Variants in RYR1 observed in about 807,000 individuals in gnomAD.
RYR1 encodes central core disease of muscle.
Under a neutral mutation model 583.5 loss-of-function variants are expected in RYR1, and 342 were observed. The observed-to-expected ratio is 0.59, with a 90% CI of 0.54 to 0.64. The LOEUF (loss-of-function observed/expected upper bound fraction) is 0.64, where lower values mean the gene tolerates loss of function less well. Among genes scored for constraint, RYR1 ranks in the 30% least tolerant of loss-of-function variants. The pLI, the probability that RYR1 is intolerant of heterozygous loss-of-function variation, is 0.00. For missense variants in RYR1, 6,032 were observed against 6,917.2 expected (o/e 0.87, Z 4.54); for synonymous variants, 2,791 against 2,822.5 (o/e 0.99, Z 0.35).
At chr19:38,502,141 A>G (rs1482023331) in intron 47 of RYR1, among the ~76,000 whole-genome samples, 2 of 152,192 alleles carry the variant, frequency 1.3e-5, no homozygotes, top group Non-Finnish European at 2.9e-5. Flanking sequence ...TGGGCGACAG[A>G]GACCCCTGTC....
chr19:38,502,403 G>GA, intron 47 of RYR1, 104 bp from the exon 48 acceptor site: 1 of 1,068,112 alleles, frequency 9.4e-7, no homozygotes, highest in South Asian at 1.3e-5. Context: ...GGTTTTGGGG[G>GA]AGTCATCAGA....
Position 38,507,782 on chromosome 19 carries a change from C to A in RYR1, c.8887C>A (p.Leu2963Met). Residue 2963 changes from leucine (L) to methionine (M), a missense_variant, in exon 58 of 106, where the codon CTG becomes ATG. Transcript: ENST00000359596. ...GTTTGCCTTTGGCTTCCTGCAGCAG[C>A]TGCTGCGCTGGATGGACATTTCTCA... ...KRFAFGFLQQLLRWMDISQEF... is the reference protein window; with the variant it reads ...KRFAFGFLQQMLRWMDISQEF... 6.2e-7 allele frequency: 1 copy of A among 1,613,906 alleles called. No individual in the cohort carries two copies.
At chr19:38,470,408 C>G (rs1468598330) in intron 27 of RYR1, among the ~76,000 whole-genome samples, 1 of 150,184 alleles carries the variant, frequency 6.7e-6, no homozygotes, top group Non-Finnish European at 1.5e-5. Context: ...TGCACTCCAG[C>G]CTGAGTGACA....
At chr19:38,535,280 C>A in intron 80 of RYR1, 36 bp from the exon 81 acceptor site, 1 of 1,612,746 alleles carries the variant, frequency 6.2e-7, no homozygotes, top group Non-Finnish European at 8.5e-7. Context: ...TCCTGTGTGA[C>A]TCCCAGTTTC....
rs1970533951 is a variant in RYR1, at chr19:38,507,654, G to A, written c.8817-58G>A. ...CAGGAGCAGAGGCGGACCTGAGAAGGGTGGGAAACTGTAGGGCCGGCGTCT... is the reference window on the plus strand; with the variant it reads ...CAGGAGCAGAGGCGGACCTGAGAAGAGTGGGAAACTGTAGGGCCGGCGTCT... On this transcript the variant is annotated intron_variant, in intron 57 of 105. Transcript: ENST00000359596. 2.3e-5 allele frequency: 25 copies of A among 1,097,828 alleles called. 1 individual carries two copies. The Middle Eastern group carries it at 5.9e-4, about 26-fold the overall frequency. 68.0% of individuals were successfully genotyped at this position (1,097,828 alleles called of 1,614,324 possible). A position where few individuals can be genotyped will look rare whatever the true frequency, so the allele number is the denominator to read the frequency against.
chr19:38,465,948 A>AT (rs1968075528), intron 23 of RYR1, 143 bp from the exon 24 acceptor site: 2 of 840,136 alleles, frequency 2.4e-6, no homozygotes, highest in African/African-American at 3.4e-5. Flanking sequence ...ACTTATTCTA[A>AT]AATTTCATAG....
chr19:38,464,873 C>T, intron 23 of RYR1, 151 bp downstream of exon 23: 2 of 680,154 alleles, frequency 2.9e-6, no homozygotes, highest in South Asian at 3.3e-5. Flanking sequence ...GGTCAGGGCT[C>T]TGGGGTCAGA....
At chr19:38,519,916 A>G (rs1490760658) in intron 67 of RYR1, among the ~76,000 whole-genome samples, 1 of 151,664 alleles carries the variant, frequency 6.6e-6, no homozygotes, top group Non-Finnish European at 1.5e-5. Flanking sequence ...TGACCTCATG[A>G]TTTGCCTGCC....
chr19:38,468,878 C>A, intron 25 of RYR1, 88 bp from the exon 26 acceptor site: 1 of 1,383,846 alleles, frequency 7.2e-7, no homozygotes, highest in South Asian at 1.2e-5. Flanking sequence ...GAATGTCTGT[C>A]TTCATATATC....
intron 11 of RYR1, among the ~76,000 whole-genome samples, chr19:38,450,130 T>G (rs923644074): frequency 3.3e-5 from 5 of 152,112 alleles, no homozygotes; most frequent in African/African-American, 1.2e-4. Flanking sequence ...TTAGGCTGTC[T>G]CTGGGAACAG....
At chr19:38,542,611 C>T (rs996275772) in intron 84 of RYR1, among the ~76,000 whole-genome samples, 1 of 151,744 alleles carries the variant, frequency 6.6e-6, no homozygotes, top group Non-Finnish European at 1.5e-5. Context: ...CTCTGCCTTC[C>T]GGGTTCAAGC....
chr19:38,484,156 G>A (rs1969158407), intron 33 of RYR1, among the ~76,000 whole-genome samples: 1 of 152,070 alleles, frequency 6.6e-6, no homozygotes, highest in African/African-American at 2.4e-5. Flanking sequence ...GCCAGTTGTG[G>A]TGGTGTGCAC....
At chr19:38,531,043 A>G (rs577209293) in intron 76 of RYR1, among the ~76,000 whole-genome samples, 29 of 132,930 alleles carry the variant, frequency 2.2e-4, no homozygotes, top group Non-Finnish European at 4.0e-4. Context: ...CATGTTGTCC[A>G]GGCTGGTCTC....
At chr19:38,521,433 G>A (rs1220003509) in intron 67 of RYR1, among the ~76,000 whole-genome samples, 1 of 151,514 alleles carries the variant, frequency 6.6e-6, no homozygotes, top group Non-Finnish European at 1.5e-5. Context: ...CAGCACTTTG[G>A]GTGGCCAAAG....
At chr19:38,505,448 A>G in intron 53 of RYR1, 50 bp downstream of exon 53, 1 of 1,315,476 alleles carries the variant, frequency 7.6e-7, no homozygotes, top group Non-Finnish European at 1.1e-6. Context: ...AAACCCCCAA[A>G]TTTGAGGATT....
intron 56 of RYR1, 90 bp downstream of exon 56, chr19:38,506,636 T>C (rs1400737736): frequency 6.5e-7 from 1 of 1,528,302 alleles, no homozygotes; most frequent in African/African-American, 1.4e-5. Flanking sequence ...ACTCGGTTTC[T>C]CCATCTGTAG....
chr19:38,563,453 C>G (rs903310438), intron 90 of RYR1, among the ~76,000 whole-genome samples: 2 of 152,156 alleles, frequency 1.3e-5, no homozygotes, highest in Non-Finnish European at 2.9e-5. Context: ...TCAGTAGAGG[C>G]GGGGTTTTGC....
intron 60 of RYR1, among the ~76,000 whole-genome samples, 171 bp from the exon 61 acceptor site, chr19:38,511,390 A>C (rs1234470334): frequency 3.3e-5 from 5 of 151,832 alleles, no homozygotes; most frequent in Admixed American, 2.6e-4. Flanking sequence ...CAGCTTGCCC[A>C]TCTCTCTGCC....
At chr19:38,526,182 C>G (rs1262199683) in intron 71 of RYR1, among the ~76,000 whole-genome samples, 1 of 151,976 alleles carries the variant, frequency 6.6e-6, no homozygotes, top group Non-Finnish European at 1.5e-5. Flanking sequence ...GGCTGTAGAA[C>G]CTCTTAAGCT....
Sources: allele counts gnomAD v4.1 joint callset (sites outside exome capture counted in the v4.1 genomes callset), GRCh38; gene constraint gnomAD v4.1.1; transcripts MANE v1.5; gene names NCBI Gene and HGNC (gene_info 2026-07-23, HGNC 2026-07-21).